The following ZNF654 variants were observed in gnomAD, a reference collection of about 807,000 sequenced individuals.
ZNF654 encodes melanoma-associated antigen.
In ZNF654, 19 loss-of-function variants were observed where a neutral mutation model predicts 95.3. The ratio of observed to expected loss-of-function variants is 0.20; its 90% CI spans 0.14 to 0.29. The LOEUF (loss-of-function observed/expected upper bound fraction) is 0.29, where lower values mean the gene tolerates loss of function less well. Among genes scored for constraint, ZNF654 ranks in the 10% least tolerant of loss-of-function variants. The pLI, the probability that ZNF654 is intolerant of heterozygous loss-of-function variation, is 1.00. For missense variants in ZNF654, 1,046 were observed against 1,341.0 expected (o/e 0.78, Z 3.44); for synonymous variants, 413 against 457.9 (o/e 0.90, Z 1.25).
intron 1 of ZNF654, among the ~76,000 whole-genome samples, chr3:88,073,246 T>C (rs1478515957): frequency 6.6e-6 from 1 of 152,106 alleles, no homozygotes; most frequent in Non-Finnish European, 1.5e-5. Context: ...ATTGTCACAT[T>C]TTCCCAATGA....
At chr3:88,096,234 A>G (rs1338866550) in intron 2 of ZNF654, among the ~76,000 whole-genome samples, 1 of 152,082 alleles carries the variant, frequency 6.6e-6, no homozygotes, top group Non-Finnish European at 1.5e-5. Context: ...TAGACAGGAG[A>G]TGGTGAACCT....
intron 6 of ZNF654, 123 bp downstream of exon 6, chr3:88,129,949 G>GTTCCT: frequency 1.0e-5 from 9 of 873,488 alleles, no homozygotes; most frequent in Non-Finnish European, 1.4e-5. Context: ...AAAATTGATT[G>GTTCCT]TGCAAGGAAC....
At chr3:88,109,827 C>T (rs1389341324) in intron 2 of ZNF654, among the ~76,000 whole-genome samples, 2 of 151,924 alleles carry the variant, frequency 1.3e-5, no homozygotes, top group African/African-American at 4.8e-5. Flanking sequence ...ATATTAAACA[C>T]ATTTATTGTA....
chr3:88,136,791 C>A (rs1706811900), intron 7 of ZNF654, among the ~76,000 whole-genome samples: 1 of 152,094 alleles, frequency 6.6e-6, no homozygotes, highest in African/African-American at 2.4e-5. Context: ...TCATAAATAT[C>A]CTGGAACCAT....
At chr3:88,078,815 A>G (rs2107639014) in intron 1 of ZNF654, among the ~76,000 whole-genome samples, 1 of 152,246 alleles carries the variant, frequency 6.6e-6, no homozygotes, top group South Asian at 2.1e-4. Context: ...TAGTATTATT[A>G]ACTGACTTAA....
chr3:88,077,211 T>C (rs1707853329), intron 1 of ZNF654, among the ~76,000 whole-genome samples: 1 of 152,230 alleles, frequency 6.6e-6, no homozygotes, highest in Admixed American at 6.5e-5. Flanking sequence ...AATGAATTTT[T>C]GTTGTTTAGC....
rs568023384 is a variant in ZNF654 at position 88,141,099 on chromosome 3, A to T, written c.3379+51A>T. 5.9e-6 allele frequency: 9 copies of T among 1,524,656 alleles called. No homozygotes were observed. In the South Asian group the frequency reaches 1.2e-4, roughly 20 times the overall value. 94.4% of individuals were successfully genotyped at this position (1,524,656 alleles called of 1,614,324 possible). Reference sequence around the variant, plus strand: ...GGTATCTGTAGAAAGAGAAAATGGCATAAATAAAACTATTATAGATCTTTG... The same window carrying T: ...GGTATCTGTAGAAAGAGAAAATGGCTTAAATAAAACTATTATAGATCTTTG... On this transcript the variant is annotated intron_variant, in intron 8 of 8. Transcript: ENST00000636215.
chr3:88,072,499 C>T (rs1707570835), intron 1 of ZNF654, among the ~76,000 whole-genome samples: 2 of 152,132 alleles, frequency 1.3e-5, no homozygotes, highest in African/African-American at 4.8e-5. Context: ...CTTTGCCACT[C>T]CTTGTACATA....
At chr3:88,138,645 A>C (rs1425573690) in intron 7 of ZNF654, 60 bp from the exon 8 acceptor site, 2 of 1,003,870 alleles carry the variant, frequency 2.0e-6, no homozygotes, top group Non-Finnish European at 2.6e-6. Context: ...TTAAAGATAG[A>C]CTAGTATAAC....
intron 3 of ZNF654, among the ~76,000 whole-genome samples, chr3:88,116,757 G>GTCT (rs1402101401): frequency 6.6e-6 from 1 of 152,036 alleles, no homozygotes; most frequent in Non-Finnish European, 1.5e-5. Context: ...AGGTGTGGTT[G>GTCT]TCTTTCACTG....
intron 3 of ZNF654, among the ~76,000 whole-genome samples, chr3:88,122,194 G>A (rs1705810254): frequency 6.6e-6 from 1 of 152,174 alleles, no homozygotes; most frequent in South Asian, 2.1e-4. Flanking sequence ...GTTCATGGAA[G>A]TTGTAGGAGA....
chr3:88,083,063 CTCTTCTTCCTCACTCTTCCTCCT>C (rs1471308436), intron 1 of ZNF654, among the ~76,000 whole-genome samples: 1 of 151,912 alleles, frequency 6.6e-6, no homozygotes. Context: ...CTCTTCCTCC[CTCTTCTTCCTCACTCTTCCTCCT>C]CCTCACCACC....
At chr3:88,115,845 G>GTAAATAA (rs1705357413) in intron 3 of ZNF654, among the ~76,000 whole-genome samples, 2 of 152,040 alleles carry the variant, frequency 1.3e-5, no homozygotes, top group Non-Finnish European at 1.5e-5. Flanking sequence ...TCCCAATGAA[G>GTAAATAA]TGACAAAAAT....
intron 2 of ZNF654, among the ~76,000 whole-genome samples, chr3:88,107,869 A>G (rs931687642): frequency 2.4e-4 from 36 of 152,136 alleles, no homozygotes; most frequent in African/African-American, 8.7e-4. Flanking sequence ...CTTAAACTAT[A>G]TAATACCCAT....
At chr3:88,098,860 CA>C (rs1000994197) in intron 2 of ZNF654, among the ~76,000 whole-genome samples, 4 of 152,272 alleles carry the variant, frequency 2.6e-5, no homozygotes, top group African/African-American at 9.6e-5. Context: ...CTATCTATGA[CA>C]AACCCACAGC....
intron 1 of ZNF654, among the ~76,000 whole-genome samples, chr3:88,077,723 AT>A (rs1344087836): frequency 6.6e-6 from 1 of 152,238 alleles, no homozygotes; most frequent in African/African-American, 2.4e-5. Flanking sequence ...ACAGAATGCA[AT>A]TTAACAGAAT....
intron 2 of ZNF654, among the ~76,000 whole-genome samples, chr3:88,106,080 G>T (rs573241303): frequency 7.9e-5 from 12 of 152,246 alleles, no homozygotes; most frequent in African/African-American, 2.4e-4. Context: ...ACCTGTTGGC[G>T]CTCTGATGAG....
intron 1 of ZNF654, among the ~76,000 whole-genome samples, chr3:88,072,673 C>T (rs2107618808): frequency 6.6e-6 from 1 of 152,262 alleles, no homozygotes; most frequent in South Asian, 2.1e-4. Flanking sequence ...CTTTTTCCCC[C>T]TTACCTGTGT....
At chr3:88,129,657 T>C (rs997735483) in intron 5 of ZNF654, 30 bp from the exon 6 acceptor site, 6 of 1,369,770 alleles carry the variant, frequency 4.4e-6, no homozygotes, top group Non-Finnish European at 5.7e-6. Flanking sequence ...TTTTTAATTA[T>C]ATGAACTGAT....
Sources: allele counts gnomAD v4.1 joint callset (sites outside exome capture counted in the v4.1 genomes callset), GRCh38; gene constraint gnomAD v4.1.1; transcripts MANE v1.5; gene names NCBI Gene and HGNC (gene_info 2026-07-23, HGNC 2026-07-21).